FBXL13: variants seen among roughly 807,000 people sequenced by gnomAD.
FBXL13 encodes the protein F-box and leucine-rich repeat protein 13.
In FBXL13, 67 loss-of-function variants were observed where a neutral mutation model predicts 83.6. The observed-to-expected ratio is 0.80, with a 90% CI of 0.66 to 0.98. FBXL13 has a LOEUF of 0.98. Ranked by LOEUF, FBXL13 falls within the 50% of genes least tolerant of loss-of-function variation. The pLI is 0.00. For synonymous variants in FBXL13, 272 were observed against 299.5 expected (o/e 0.91, Z 0.95); for missense variants, 822 against 866.5 (o/e 0.95, Z 0.64).
intron 6 of FBXL13, among the ~76,000 whole-genome samples, chr7:102,990,675 G>A (rs1300318121): frequency 6.6e-6 from 1 of 152,192 alleles, no homozygotes; most frequent in Non-Finnish European, 1.5e-5. Flanking sequence ...AGAGGACAGA[G>A]GATCAAAGGT....
rs562867576 is a variant in FBXL13 at position 102,868,369 on chromosome 7, C to T, written c.1635+9098G>A. Among the ~76,000 whole-genome samples the T allele has an allele frequency of 6.0e-4, 91 of 152,218 alleles. 1 individual carries two copies. The highest frequency in any genetic ancestry group is 1.2e-3 in the Non-Finnish European group (81 of 68,010). ...ATTCTCCTCTCTACTTCTATGAGAT[C>T]CCCTTTTTTCAGATTCCGCATATGA... On this transcript the variant is annotated intron_variant, in intron 16 of 19. Transcript: ENST00000313221.
At chr7:102,871,063 C>T (rs1053068231) in intron 16 of FBXL13, among the ~76,000 whole-genome samples, 5 of 152,262 alleles carry the variant, frequency 3.3e-5, no homozygotes, top group African/African-American at 1.2e-4. Context: ...TCTTTAGTCT[C>T]CTTCATGGAT....
intron 11 of FBXL13, among the ~76,000 whole-genome samples, chr7:102,904,136 T>C (rs1813388627): frequency 6.6e-6 from 1 of 151,828 alleles, no homozygotes; most frequent in African/African-American, 2.4e-5. Flanking sequence ...AGCTTTTCTT[T>C]ACTGGGAGAC....
In FBXL13 at chr7:102,944,097, ATTTTC is replaced by A. The variant is rs1381548763; in HGVS notation, c.725-12169_725-12165del. 204 of 837,346 alleles carry A rather than the reference ATTTTC, an allele frequency of 2.4e-4. 1 individual carries two copies. The Middle Eastern group carries it at 6.5e-3, about 27-fold the overall frequency. 51.9% of individuals were successfully genotyped at this position (837,346 alleles called of 1,614,324 possible). A position where few individuals can be genotyped will look rare whatever the true frequency, so the allele number is the denominator to read the frequency against. On this transcript the variant is annotated intron_variant, in intron 8 of 19. Transcript: ENST00000313221. ...AAAAGAAAGGAAAAGAAATCTCTTT[ATTTTC>A]AAAGGGGAAAATTAAGCCTCTTTTT...
At chr7:102,903,814 A>G (rs1490955770) in intron 11 of FBXL13, among the ~76,000 whole-genome samples, 1 of 152,006 alleles carries the variant, frequency 6.6e-6, no homozygotes, top group Admixed American at 6.6e-5. Context: ...CCCAGGGATA[A>G]ATCCCACTTG....
chr7:102,933,661 C>T (rs1819660740), intron 8 of FBXL13: 3 of 284,120 alleles, frequency 1.1e-5, no homozygotes, highest in Non-Finnish European at 2.0e-5. Context: ...CTTTCTACGT[C>T]ACTGTTCTGT....
intron 6 of FBXL13, among the ~76,000 whole-genome samples, chr7:103,010,219 C>G (rs931150321): frequency 2.0e-5 from 3 of 151,570 alleles, no homozygotes; most frequent in African/African-American, 7.3e-5. Flanking sequence ...GGTAAACAGG[C>G]AGACAATGCC....
chr7:102,903,962 T>TG (rs1813358455), intron 11 of FBXL13, among the ~76,000 whole-genome samples: 1 of 139,630 alleles, frequency 7.2e-6, no homozygotes, highest in African/African-American at 2.7e-5. Flanking sequence ...TTTTTTTTTT[T>TG]GCTGTATCTT....
At chr7:103,046,730 G>C (rs1474258297) in intron 2 of FBXL13, 4 of 152,166 alleles carry the variant, frequency 2.6e-5, no homozygotes, top group East Asian at 1.9e-4. Context: ...TAGATGTCTT[G>C]ATCTGTGATC....
chr7:102,886,868 A>G (rs1810868190), intron 11 of FBXL13, among the ~76,000 whole-genome samples: 1 of 152,198 alleles, frequency 6.6e-6, no homozygotes, highest in South Asian at 2.1e-4. Context: ...CCAGGGGCTG[A>G]GCATGCAGGC....
chr7:102,990,489 A>G (rs1230438901), intron 6 of FBXL13, among the ~76,000 whole-genome samples: 1 of 152,240 alleles, frequency 6.6e-6, no homozygotes, highest in Non-Finnish European at 1.5e-5. Context: ...TCATTCAACC[A>G]ATATTTATTG....
intron 17 of FBXL13, among the ~76,000 whole-genome samples, chr7:102,835,603 GTTTT>G (rs776220490): frequency 4.0e-4 from 39 of 97,510 alleles, no homozygotes; most frequent in Non-Finnish European, 6.4e-4. Flanking sequence ...AGGTGACATT[GTTTT>G]TTTTTTTTTT....
intron 10 of FBXL13, among the ~76,000 whole-genome samples, chr7:102,921,357 G>GTA (rs1435603352): frequency 1.3e-5 from 2 of 152,096 alleles, no homozygotes; most frequent in African/African-American, 4.8e-5. Context: ...GAATTTATAT[G>GTA]TATATACACA....
intron 6 of FBXL13, among the ~76,000 whole-genome samples, chr7:102,986,648 A>G (rs1160288732): frequency 6.6e-6 from 1 of 152,184 alleles, no homozygotes; most frequent in Non-Finnish European, 1.5e-5. Context: ...GCAGGGGAAG[A>G]AGGATATTAG....
chr7:102,900,637 C>T (rs902329615), intron 11 of FBXL13, among the ~76,000 whole-genome samples: 1 of 152,120 alleles, frequency 6.6e-6, no homozygotes, highest in Non-Finnish European at 1.5e-5. Context: ...GAAGCAGTAA[C>T]ATTCAAACTT....
At chr7:102,987,739 A>G (rs1023280745) in intron 6 of FBXL13, among the ~76,000 whole-genome samples, 5 of 152,228 alleles carry the variant, frequency 3.3e-5, no homozygotes, top group African/African-American at 9.6e-5. Context: ...GGAGAAGTCC[A>G]GGATGATTCC....
intron 11 of FBXL13, among the ~76,000 whole-genome samples, chr7:102,900,724 T>C (rs1210078410): frequency 6.6e-6 from 1 of 152,170 alleles, no homozygotes; most frequent in Non-Finnish European, 1.5e-5. Flanking sequence ...TTTCTTACTC[T>C]CACTGGGCCT....
intron 6 of FBXL13, among the ~76,000 whole-genome samples, chr7:103,008,134 C>T (rs755727144): frequency 1.8e-4 from 28 of 152,112 alleles, no homozygotes; most frequent in Non-Finnish European, 2.9e-4. Flanking sequence ...ACAAAAACGC[C>T]TAACATTAGT....
At chr7:102,947,349 A>C (rs1276444385) in intron 8 of FBXL13, among the ~76,000 whole-genome samples, 1 of 152,156 alleles carries the variant, frequency 6.6e-6, no homozygotes, top group Non-Finnish European at 1.5e-5. Flanking sequence ...CTAGTTAGGG[A>C]TTTTATTGGT....
Sources: gnomAD v4.1 joint callset for allele counts (sites outside exome capture counted in the v4.1 genomes callset) on GRCh38, gnomAD v4.1.1 for gene constraint, MANE v1.5 for transcripts, NCBI Gene and HGNC (gene_info 2026-07-23, HGNC 2026-07-21) for gene names.